Variants in FAM200B observed in about 807,000 individuals in gnomAD.
FAM200B encodes the protein zinc finger BED-type containing 11.
In FAM200B, 32 loss-of-function variants were observed where a neutral mutation model predicts 33.1. The observed-to-expected ratio is 0.97, with a 90% CI of 0.73 to 1.30. The LOEUF is 1.30. FAM200B is among the 50% of genes most tolerant of loss of function. FAM200B has a pLI of 0.00. For synonymous variants in FAM200B, 240 were observed against 264.8 expected (o/e 0.91, Z 0.91); for missense variants, 741 against 754.0 (o/e 0.98, Z 0.20).
the FAM200B span, among the ~76,000 whole-genome samples, chr4:15,651,830 T>C: frequency 6.6e-6 from 1 of 152,200 alleles, no homozygotes; most frequent in South Asian, 2.1e-4. Context: ...GGTTTATATA[T>C]AAGCCTGGGA....
chr4:15,656,749 C>T, the FAM200B span, among the ~76,000 whole-genome samples: 1 of 152,222 alleles, frequency 6.6e-6, no homozygotes, highest in African/African-American at 2.4e-5. Flanking sequence ...GCTAATAATA[C>T]CTACCTCAGA....
chr4:15,653,048 G>A, the FAM200B span, among the ~76,000 whole-genome samples: 1 of 152,106 alleles, frequency 6.6e-6, no homozygotes, highest in African/African-American at 2.4e-5. Context: ...GACATCCTAA[G>A]AGAGATTTCC....
upstream of FAM200B, among the ~76,000 whole-genome samples, chr4:15,677,749 T>C (rs1005455181): frequency 3.0e-4 from 45 of 152,134 alleles, no homozygotes; most frequent in Non-Finnish European, 7.3e-5. Context: ...ACACAAAAAT[T>C]GTAGTAGTAA....
the FAM200B span, among the ~76,000 whole-genome samples, chr4:15,637,759 C>T: frequency 6.6e-6 from 1 of 152,088 alleles, no homozygotes; most frequent in African/African-American, 2.4e-5. Context: ...TTTCAACATG[C>T]ATTTCACCTA....
the FAM200B span, chr4:15,640,998 T>C: frequency 1.9e-6 from 1 of 527,272 alleles, no homozygotes; most frequent in Non-Finnish European, 3.3e-6. Context: ...AATAGACAAA[T>C]TGCAAAGTGG....
chr4:15,637,901 T>C, the FAM200B span, among the ~76,000 whole-genome samples: 6 of 135,998 alleles, frequency 4.4e-5, no homozygotes, highest in Non-Finnish European at 8.1e-5. Flanking sequence ...ACTAGTTTTT[T>C]TAAAAAAAAA....
At chr4:15,674,800 C>T in the FAM200B span, among the ~76,000 whole-genome samples, 91 of 152,148 alleles carry the variant, frequency 6.0e-4, no homozygotes, top group Non-Finnish European at 1.0e-3. Flanking sequence ...CAGGCGCATG[C>T]CACCATGCCT....
the FAM200B span, among the ~76,000 whole-genome samples, chr4:15,673,980 T>G: frequency 6.6e-6 from 1 of 152,240 alleles, no homozygotes; most frequent in African/African-American, 2.4e-5. Flanking sequence ...AAACATTGTT[T>G]TATATATTTT....
the FAM200B span, among the ~76,000 whole-genome samples, chr4:15,658,593 C>T: frequency 6.6e-6 from 1 of 152,184 alleles, no homozygotes; most frequent in African/African-American, 2.4e-5. Context: ...ATGTCCTGCA[C>T]TGCCTTGGGA....
At chr4:15,646,060 C>T in the FAM200B span, among the ~76,000 whole-genome samples, 2 of 152,104 alleles carry the variant, frequency 1.3e-5, no homozygotes, top group Non-Finnish European at 2.9e-5. Flanking sequence ...GAATTGGCAA[C>T]TTTTCTATAA....
At chr4:15,651,847 G>T in the FAM200B span, among the ~76,000 whole-genome samples, 1 of 152,144 alleles carries the variant, frequency 6.6e-6, no homozygotes, top group East Asian at 1.9e-4. Context: ...GGGAATCTCT[G>T]AACTAACCAC....
the FAM200B span, among the ~76,000 whole-genome samples, chr4:15,649,596 A>C: frequency 8.6e-5 from 13 of 150,378 alleles, no homozygotes; most frequent in Non-Finnish European, 1.6e-4. Context: ...AAAAAAAAAA[A>C]AGAAAGAAAG....
the FAM200B span, among the ~76,000 whole-genome samples, chr4:15,646,304 T>G: frequency 6.6e-6 from 1 of 152,162 alleles, no homozygotes; most frequent in African/African-American, 2.4e-5. Flanking sequence ...GTAAAAGTGA[T>G]GCTTGGCTCT....
the FAM200B span, chr4:15,640,980 GA>G: frequency 5.5e-4 from 301 of 547,992 alleles, no homozygotes; most frequent in South Asian, 9.9e-4. Context: ...AACCTCCGGG[GA>G]AAAAAAAATA....
chr4:15,640,061 G>A, the FAM200B span, among the ~76,000 whole-genome samples: 1 of 152,094 alleles, frequency 6.6e-6, no homozygotes, highest in African/African-American at 2.4e-5. Flanking sequence ...TTTGTTTGGA[G>A]ACACGGTCTT....
At chr4:15,642,324 T>A in the FAM200B span, among the ~76,000 whole-genome samples, 1 of 150,630 alleles carries the variant, frequency 6.6e-6, no homozygotes, top group East Asian at 2.0e-4. Context: ...CACTGCAACC[T>A]CAGGTTCATG....
At chr4:15,672,970 G>A in the FAM200B span, among the ~76,000 whole-genome samples, 1 of 152,060 alleles carries the variant, frequency 6.6e-6, no homozygotes, top group Admixed American at 6.6e-5. Flanking sequence ...ACAATCAACA[G>A]TATCACTGTC....
At chr4:15,639,022 G>C in the FAM200B span, among the ~76,000 whole-genome samples, 5 of 152,248 alleles carry the variant, frequency 3.3e-5, no homozygotes, top group African/African-American at 1.2e-4. Context: ...GAAGTAGCCG[G>C]GCGTGGTGGC....
the FAM200B span, among the ~76,000 whole-genome samples, chr4:15,639,985 G>C: frequency 6.6e-6 from 1 of 152,062 alleles, no homozygotes; most frequent in Admixed American, 6.6e-5. Context: ...AAAACGTTTT[G>C]CCCATTCATT....
Sources: allele counts gnomAD v4.1 joint callset (sites outside exome capture counted in the v4.1 genomes callset), GRCh38; gene constraint gnomAD v4.1.1; transcripts MANE v1.5; gene names NCBI Gene and HGNC (gene_info 2026-07-23, HGNC 2026-07-21).